The following WARS2 variants were observed in gnomAD, a reference collection of about 807,000 sequenced individuals.
WARS2 encodes tryptophan--tRNA ligase, mitochondrial.
WARS2 carries 28 observed loss-of-function variants against 36.5 expected under a neutral mutation model. That is an observed-to-expected ratio of 0.77 (90% confidence interval 0.57 to 1.05). The LOEUF is 1.05. Among genes scored for constraint, WARS2 ranks in the 50% least tolerant of loss-of-function variants. The pLI is 0.00. For synonymous variants in WARS2, 174 were observed against 178.4 expected (o/e 0.98, Z 0.20); for missense variants, 435 against 456.8 (o/e 0.95, Z 0.44).
At chr1:119,087,615 C>A (rs1377711304) in intron 1 of WARS2, among the ~76,000 whole-genome samples, 1 of 152,052 alleles carries the variant, frequency 6.6e-6, no homozygotes, top group Non-Finnish European at 1.5e-5. Flanking sequence ...ATTTTGGACA[C>A]CAGAAATCTA....
chr1:119,045,903 C>T (rs1648768680), intron 2 of WARS2, among the ~76,000 whole-genome samples: 1 of 152,094 alleles, frequency 6.6e-6, no homozygotes, highest in Admixed American at 6.5e-5. Context: ...CACAATACCC[C>T]ACCAGATTCT....
intron 2 of WARS2, among the ~76,000 whole-genome samples, chr1:119,056,553 A>AAT (rs1312158185): frequency 1.4e-5 from 2 of 147,542 alleles, no homozygotes; most frequent in African/African-American, 4.9e-5. Context: ...ATATATACTA[A>AAT]ATATATATAT....
chr1:119,033,053 A>G lies in WARS2; in HGVS notation c.941T>C (p.Phe314Ser), dbSNP rs1647563667. The G allele has an allele frequency of 6.2e-7, 1 of 1,614,244 alleles. No homozygotes were observed. The highest frequency in any genetic ancestry group is 8.5e-7 in the Non-Finnish European group (1 of 1,180,048). Residue 314 changes from phenylalanine to serine, a missense_variant, in exon 6 of 6, where the codon TTT becomes TCT. Phe to Ser is a radical substitution (Grantham distance 155). Transcript: ENST00000235521. The stretch of plus-strand genomic sequence containing the variant: ...TTCAATTTCACGCTTAATTGGGGCA[A>G]ACTTCTCAATCACAGCATCTGCCAC... ...LAVADAVIEK[F>S]APIKREIEKL...
intron 2 of WARS2, among the ~76,000 whole-genome samples, chr1:119,074,723 A>G (rs1250628715): frequency 6.6e-6 from 1 of 152,226 alleles, no homozygotes; most frequent in Non-Finnish European, 1.5e-5. Context: ...TCAACCAAAC[A>G]GCAGATTGAA....
At chr1:119,068,742 T>A (rs1651066845) in intron 2 of WARS2, among the ~76,000 whole-genome samples, 1 of 152,130 alleles carries the variant, frequency 6.6e-6, no homozygotes, top group African/African-American at 2.4e-5. Context: ...AAAAGACCAT[T>A]AACTATGGTG....
chr1:119,044,194 G>A (rs1648606215), intron 3 of WARS2, among the ~76,000 whole-genome samples: 1 of 152,164 alleles, frequency 6.6e-6, no homozygotes, highest in Admixed American at 6.5e-5. Context: ...CATATCTGAG[G>A]ATAAGACTGG....
intron 1 of WARS2, among the ~76,000 whole-genome samples, chr1:119,114,700 C>T (rs947045243): frequency 6.6e-6 from 1 of 152,128 alleles, no homozygotes; most frequent in African/African-American, 2.4e-5. Context: ...TAGGATTTGG[C>T]AACTCTTCTT....
chr1:119,059,341 T>C (rs983253659), intron 2 of WARS2, among the ~76,000 whole-genome samples: 1 of 152,064 alleles, frequency 6.6e-6, no homozygotes, highest in African/African-American at 2.4e-5. Context: ...TGGCTTTTGT[T>C]GCCATTGCTT....
At chr1:119,082,852 G>A (rs1652307261) in intron 1 of WARS2, among the ~76,000 whole-genome samples, 1 of 152,150 alleles carries the variant, frequency 6.6e-6, no homozygotes, top group Non-Finnish European at 1.5e-5. Flanking sequence ...AATCCCCACT[G>A]TGGTAGTATT....
chr1:119,068,457 C>G (rs1393281243), intron 2 of WARS2, among the ~76,000 whole-genome samples: 4 of 152,178 alleles, frequency 2.6e-5, no homozygotes, highest in Admixed American at 2.6e-4. Flanking sequence ...AACAACATAA[C>G]TCTAATTAGA....
chr1:119,099,483 C>T (rs1286396450), intron 1 of WARS2, among the ~76,000 whole-genome samples: 3 of 152,190 alleles, frequency 2.0e-5, no homozygotes, highest in African/African-American at 4.8e-5. Flanking sequence ...TGCTATGGTT[C>T]AAGGGGTCAG....
chr1:119,132,963 T>C (rs1656225616), intron 1 of WARS2, among the ~76,000 whole-genome samples: 1 of 152,220 alleles, frequency 6.6e-6, no homozygotes, highest in African/African-American at 2.4e-5. Flanking sequence ...CTGACTGTAC[T>C]TCTGCCACTT....
intron 1 of WARS2, among the ~76,000 whole-genome samples, chr1:119,087,364 A>G (rs1652749664): frequency 6.6e-6 from 1 of 152,210 alleles, no homozygotes; most frequent in East Asian, 1.9e-4. Context: ...TAAAATAACT[A>G]TAAAGAAAAT....
intron 1 of WARS2, among the ~76,000 whole-genome samples, chr1:119,105,597 C>T (rs1390828782): frequency 6.6e-6 from 1 of 151,920 alleles, no homozygotes; most frequent in Non-Finnish European, 1.5e-5. Flanking sequence ...CATGTGGTGT[C>T]CTGGAAACCA....
intron 1 of WARS2, among the ~76,000 whole-genome samples, chr1:119,082,714 G>A (rs890114377): frequency 6.6e-6 from 1 of 152,138 alleles, no homozygotes; most frequent in African/African-American, 2.4e-5. Context: ...AAAAGGCCAA[G>A]GGCATACAAC....
intron 1 of WARS2, among the ~76,000 whole-genome samples, chr1:119,121,454 A>G (rs1655320640): frequency 6.6e-6 from 1 of 152,162 alleles, no homozygotes; most frequent in Non-Finnish European, 1.5e-5. Context: ...TATTGTAAAA[A>G]TGACCATACT....
chr1:119,111,617 C>A (rs981340997), intron 1 of WARS2, among the ~76,000 whole-genome samples: 1 of 152,150 alleles, frequency 6.6e-6, no homozygotes. Flanking sequence ...GTTGTGAGAA[C>A]CTGGTAAAAC....
intron 1 of WARS2, among the ~76,000 whole-genome samples, chr1:119,114,491 A>G (rs1332304068): frequency 1.3e-5 from 2 of 152,214 alleles, no homozygotes; most frequent in African/African-American, 4.8e-5. Flanking sequence ...AGGAGTACTG[A>G]CAGTATCAGT....
At chr1:119,126,529 A>G in intron 1 of WARS2, 3 of 552,242 alleles carry the variant, frequency 5.4e-6, no homozygotes, top group Non-Finnish European at 6.6e-6. Context: ...CACTATTAAA[A>G]GTCTGAACTT....
Sources: allele counts gnomAD v4.1 joint callset (sites outside exome capture counted in the v4.1 genomes callset), GRCh38; gene constraint gnomAD v4.1.1; transcripts MANE v1.5; gene names NCBI Gene and HGNC (gene_info 2026-07-23, HGNC 2026-07-21).